The following DCC variants were observed in gnomAD, a reference collection of about 807,000 sequenced individuals.
The protein encoded by DCC is netrin receptor DCC.
A neutral mutation model predicts 172.5 loss-of-function variants in DCC; 58 were observed. The observed-to-expected ratio is 0.34, with a 90% CI of 0.27 to 0.42. The LOEUF is 0.42. DCC is among the 10% of genes least tolerant of loss of function. The pLI, the probability that DCC is intolerant of heterozygous loss-of-function variation, is 1.00. For missense variants in DCC, 1,740 were observed against 1,791.0 expected, an observed-to-expected ratio of 0.97 and a Z score of 0.51; for synonymous variants, 709 against 644.5, an observed-to-expected ratio of 1.10 and a Z score of -1.52.
Position 53,056,395 on chromosome 18 carries a change from G to T in DCC, c.986-6910G>T, listed in dbSNP as rs562421924. 2.0e-5 allele frequency among the ~76,000 whole-genome samples: 3 copies of T among 152,212 alleles called. No homozygotes were observed. In the South Asian group the frequency reaches 6.2e-4, roughly 32 times the overall value. Reference sequence around the variant, plus strand: ...GAGATGAGATTTGGGTGGGCACACAGAGCTAAACCACACCAATATGTTATC... The same window carrying T: ...GAGATGAGATTTGGGTGGGCACACATAGCTAAACCACACCAATATGTTATC... On this transcript the variant is annotated intron_variant, in intron 5 of 28. Transcript: ENST00000442544.
intron 5 of DCC, among the ~76,000 whole-genome samples, chr18:53,056,789 T>C (rs2042410306): frequency 6.6e-6 from 1 of 152,032 alleles, no homozygotes; most frequent in Non-Finnish European, 1.5e-5. Context: ...TTTTTTTTTC[T>C]CCTAATAAAA....
At chr18:53,422,149 G>T (rs561545977) in intron 21 of DCC, among the ~76,000 whole-genome samples, 1 of 152,118 alleles carries the variant, frequency 6.6e-6, no homozygotes, top group Non-Finnish European at 1.5e-5. Context: ...TCAAGGACCT[G>T]GTCATGATTC....
At chr18:53,332,751 A>G (rs1274125731) in intron 14 of DCC, among the ~76,000 whole-genome samples, 1 of 152,076 alleles carries the variant, frequency 6.6e-6, no homozygotes, top group East Asian at 1.9e-4. Context: ...TTTCTGTATT[A>G]TGGCAGGAGT....
rs528046982 is a variant in DCC, at chr18:52,885,984, C to T, written c.413-20060C>T. Among the ~76,000 whole-genome samples, 7 of 151,996 alleles carry T rather than the reference C, an allele frequency of 4.6e-5. No homozygotes were observed. The East Asian group carries it at 1.4e-3, about 30-fold the overall frequency. ...GGCCCCAGAATGTGGCCTTACAACT[C>T]TGCCCAGTGCCCTTTTCTACTGTGG... On this transcript the variant is annotated intron_variant, in intron 2 of 28. Transcript: ENST00000442544.
At chr18:52,920,028 A>AG (rs1466467875) in intron 3 of DCC, among the ~76,000 whole-genome samples, 1 of 151,722 alleles carries the variant, frequency 6.6e-6, no homozygotes, top group African/African-American at 2.4e-5. Flanking sequence ...TACAAAAAAA[A>AG]AAAAAAAAAG....
intron 1 of DCC, among the ~76,000 whole-genome samples, chr18:52,511,707 C>T (rs547118331): frequency 1.8e-4 from 27 of 152,238 alleles, no homozygotes; most frequent in African/African-American, 6.5e-4. Context: ...TAAAGTTCAC[C>T]GACATTTTAA....
intron 24 of DCC, among the ~76,000 whole-genome samples, chr18:53,462,373 A>G (rs776343262): frequency 5.3e-5 from 8 of 152,026 alleles, no homozygotes; most frequent in Admixed American, 2.6e-4. Context: ...GGATTCTTAT[A>G]GGAGCATGAA....
At chr18:53,368,084 A>G (rs1370948105) in intron 15 of DCC, among the ~76,000 whole-genome samples, 1 of 152,130 alleles carries the variant, frequency 6.6e-6, no homozygotes, top group Non-Finnish European at 1.5e-5. Context: ...AACCCTGCCA[A>G]CACTTGTTGT....
intron 1 of DCC, among the ~76,000 whole-genome samples, chr18:52,691,376 G>A (rs1213711345): frequency 1.3e-5 from 2 of 152,070 alleles, no homozygotes; most frequent in Non-Finnish European, 2.9e-5. Flanking sequence ...CAAAAACTAG[G>A]TGACTTGAAA....
At chr18:52,399,880 G>A (rs1986371044) in intron 1 of DCC, among the ~76,000 whole-genome samples, 2 of 151,820 alleles carry the variant, frequency 1.3e-5, no homozygotes, top group African/African-American at 4.8e-5. Flanking sequence ...TAATTGGATG[G>A]CCAACTATAT....
At chr18:52,862,228 A>G (rs2039154823) in intron 2 of DCC, among the ~76,000 whole-genome samples, 1 of 152,138 alleles carries the variant, frequency 6.6e-6, no homozygotes, top group Non-Finnish European at 1.5e-5. Flanking sequence ...GGAATTTCCA[A>G]AAGTTAATTC....
At position 52,461,785 on chromosome 18, in the gene DCC, A is replaced by T. The variant is rs532977975; in HGVS notation, c.91+120907A>T. Among the ~76,000 whole-genome samples the T allele has an allele frequency of 2.6e-5, 4 of 152,292 alleles. No homozygotes were observed. The East Asian group carries it at 7.7e-4, about 29-fold the overall frequency. ...ATTTGTGGTGATCTCCTCCAGTATCATGGCTTTAAATATGCTTAAGATACT... is the reference window on the plus strand; with the variant it reads ...ATTTGTGGTGATCTCCTCCAGTATCTTGGCTTTAAATATGCTTAAGATACT... On this transcript the variant is annotated intron_variant, in intron 1 of 28. Coordinates refer to ENST00000442544, the MANE Select transcript of DCC (RefSeq NM_005215.4).
At chr18:53,101,809 GTGTGTGTGTGTGTGTGTATT>G (rs2043175569) in intron 7 of DCC, among the ~76,000 whole-genome samples, 1 of 116,090 alleles carries the variant, frequency 8.6e-6, no homozygotes, top group Admixed American at 7.9e-5. Context: ...TGGGCTGTGT[GTGTGTGTGTGTGTGTGTATT>G]TGTGTGTGTG....
At chr18:52,365,525 G>A (rs912243177) in intron 1 of DCC, among the ~76,000 whole-genome samples, 4 of 151,998 alleles carry the variant, frequency 2.6e-5, no homozygotes, top group Non-Finnish European at 5.9e-5. Flanking sequence ...AATTGCTTGG[G>A]TGGGGTTTAT....
Position 53,276,662 on chromosome 18 carries a change from G to A in DCC, c.1912-28916G>A, listed in dbSNP as rs374357228. The stretch of plus-strand genomic sequence containing the variant: ...CATGCAGATGGAAATGAAGGGAAGG[G>A]TCTGAGATATATCTAGAAAGTAAAA... On this transcript the variant is annotated intron_variant, in intron 12 of 28. Coordinates refer to ENST00000442544, the MANE Select transcript of DCC (RefSeq NM_005215.4). Among the ~76,000 whole-genome samples, 113 of 152,248 alleles carry A rather than the reference G, an allele frequency of 7.4e-4. 5 individuals are homozygous for A. The South Asian group carries it at 0.022, about 30-fold the overall frequency.
intron 1 of DCC, among the ~76,000 whole-genome samples, chr18:52,677,996 C>A (rs2035675488): frequency 6.6e-6 from 1 of 152,134 alleles, no homozygotes; most frequent in African/African-American, 2.4e-5. Flanking sequence ...AAAGGAAGTA[C>A]TTATTGCGTG....
intron 7 of DCC, among the ~76,000 whole-genome samples, chr18:53,097,098 A>G (rs1236596702): frequency 3.3e-5 from 5 of 152,306 alleles, no homozygotes; most frequent in Non-Finnish European, 5.9e-5. Context: ...GTGAGACAAA[A>G]AGTTGTATTA....
At chr18:52,756,543 T>C (rs1405518130) in intron 2 of DCC, among the ~76,000 whole-genome samples, 1 of 152,234 alleles carries the variant, frequency 6.6e-6, no homozygotes, top group Non-Finnish European at 1.5e-5. Context: ...TATATCTCAA[T>C]AGCCTACAAA....
intron 15 of DCC, among the ~76,000 whole-genome samples, chr18:53,360,681 A>G (rs2144930659): frequency 6.6e-6 from 1 of 152,306 alleles, no homozygotes; most frequent in Non-Finnish European, 1.5e-5. Flanking sequence ...GCAGGCCTTT[A>G]CACCCTTACA....
Sources: allele counts gnomAD v4.1 joint callset (sites outside exome capture counted in the v4.1 genomes callset), GRCh38; gene constraint gnomAD v4.1.1; transcripts MANE v1.5; gene names NCBI Gene and HGNC (gene_info 2026-07-23, HGNC 2026-07-21).